The following OXSR1 variants were observed in gnomAD, a reference collection of about 807,000 sequenced individuals.
OXSR1 encodes the protein oxidative stress responsive kinase 1.
Under a neutral mutation model 79.8 loss-of-function variants are expected in OXSR1, and 24 were observed. The ratio of observed to expected loss-of-function variants is 0.30; its 90% CI spans 0.22 to 0.42. The LOEUF (loss-of-function observed/expected upper bound fraction) is 0.42. OXSR1 is among the 10% of genes least tolerant of loss of function. OXSR1 has a pLI of 1.00. For synonymous variants in OXSR1, 226 were observed against 209.2 expected, an observed-to-expected ratio of 1.08 and a Z score of -0.69; for missense variants, 430 against 618.4, an observed-to-expected ratio of 0.70 and a Z score of 3.23.
intron 1 of OXSR1, among the ~76,000 whole-genome samples, chr3:38,175,539 G>A (rs1283043258): frequency 6.6e-6 from 1 of 152,194 alleles, no homozygotes; most frequent in African/African-American, 2.4e-5. Context: ...CAGCTCAAGT[G>A]ATCTGCCTGC....
At chr3:38,172,847 T>C (rs947192174) in intron 1 of OXSR1, among the ~76,000 whole-genome samples, 2 of 152,192 alleles carry the variant, frequency 1.3e-5, no homozygotes, top group Non-Finnish European at 2.9e-5. Context: ...AAATCCTTTT[T>C]CCCCCTTATA....
At chr3:38,178,620 ATTTT>A (rs71085303) in intron 1 of OXSR1, among the ~76,000 whole-genome samples, 77 of 95,094 alleles carry the variant, frequency 8.1e-4, no homozygotes, top group African/African-American at 2.5e-3. Flanking sequence ...ATATATATAT[ATTTT>A]TTTTTTTTTT....
chr3:38,199,871 A>G (rs1702131708), intron 4 of OXSR1, among the ~76,000 whole-genome samples: 1 of 152,134 alleles, frequency 6.6e-6, no homozygotes. Flanking sequence ...TAGTCCCATC[A>G]TGTGGACTCC....
chr3:38,201,725 A>G (rs1428171091), intron 4 of OXSR1, among the ~76,000 whole-genome samples: 1 of 150,586 alleles, frequency 6.6e-6, no homozygotes, highest in Non-Finnish European at 1.5e-5. Context: ...AAATCCAGAT[A>G]TGGTGGTGCT....
At chr3:38,205,725 A>G (rs967070867) in intron 4 of OXSR1, among the ~76,000 whole-genome samples, 2 of 152,212 alleles carry the variant, frequency 1.3e-5, no homozygotes, top group African/African-American at 2.4e-5. Flanking sequence ...GCTGCCAGTC[A>G]TCGTGGTCTG....
At chr3:38,188,071 G>GCCCCTTTTC (rs1701916523) in intron 2 of OXSR1, among the ~76,000 whole-genome samples, 1 of 152,162 alleles carries the variant, frequency 6.6e-6, no homozygotes, top group Non-Finnish European at 1.5e-5. Context: ...TAGAAGGCAA[G>GCCCCTTTTC]AAAAAGAATA....
chr3:38,193,328 A>G, intron 3 of OXSR1: 1 of 1,289,654 alleles, frequency 7.8e-7, no homozygotes, highest in South Asian at 1.2e-5. Flanking sequence ...CCCTGTTCAT[A>G]TGATGGTTGG....
chr3:38,225,903 C>T (rs73827646), intron 8 of OXSR1, among the ~76,000 whole-genome samples: 109 of 152,130 alleles, frequency 7.2e-4, no homozygotes, highest in African/African-American at 2.6e-3. Flanking sequence ...CTTCTTAAAG[C>T]TAAGAACTTC....
chr3:38,244,670 T>TGTGTGTGCAC (rs1491372358), intron 12 of OXSR1, among the ~76,000 whole-genome samples: 3 of 149,626 alleles, frequency 2.0e-5, no homozygotes, highest in East Asian at 2.0e-4. Flanking sequence ...TGTGTGTGCG[T>TGTGTGTGCAC]GCGCATGTAC....
In OXSR1 at chr3:38,254,242, C is replaced by T. The variant is rs182088221; in HGVS notation, c.*1351C>T. On this transcript the variant is annotated 3_prime_UTR_variant, in exon 18 of 18. Coordinates refer to ENST00000311806, the MANE Select transcript of OXSR1 (RefSeq NM_005109.3). ...CTTTACAGAATCACTCGAGCCCTTTCCAGCACTGTTGGTCTGATGAACAAG... is the reference window on the plus strand; with the variant it reads ...CTTTACAGAATCACTCGAGCCCTTTTCAGCACTGTTGGTCTGATGAACAAG... The T allele has an allele frequency of 1.1e-4, 43 of 398,876 alleles. No individual in the cohort carries two copies. Among genetic ancestry groups the T allele is most frequent in the African/African-American group, 8.4e-4 (41 of 48,744 alleles). The allele number at this position is 398,876 out of a possible 1,614,324, so 24.7% of individuals were successfully genotyped here. A position where few individuals can be genotyped will look rare whatever the true frequency, so the allele number is the denominator to read the frequency against.
At chr3:38,243,009 T>C (rs1461221842) in intron 12 of OXSR1, among the ~76,000 whole-genome samples, 1 of 145,310 alleles carries the variant, frequency 6.9e-6, no homozygotes, top group Admixed American at 6.7e-5. Flanking sequence ...AAAAGTTATT[T>C]ATTTATTTAT....
rs1559532597 is a variant in OXSR1, at chr3:38,254,517, TA to T, written c.*1630del. 1 of 353,984 alleles carries T rather than the reference TA, an allele frequency of 2.8e-6. No individual in the cohort carries two copies. The highest frequency in any genetic ancestry group is 5.0e-6 in the Non-Finnish European group (1 of 198,036). 21.9% of individuals were successfully genotyped at this position (353,984 alleles called of 1,614,324 possible). On this transcript the variant is annotated 3_prime_UTR_variant, in exon 18 of 18. Coordinates refer to ENST00000311806, the MANE Select transcript of OXSR1 (RefSeq NM_005109.3). ...GAGTTCAACGTCCCAGCAGTCTTGG[TA>T]AAAGGAGGGAGCCTGCTGAGCCAGG...
At chr3:38,244,010 G>C (rs1183806250) in intron 12 of OXSR1, among the ~76,000 whole-genome samples, 1 of 152,172 alleles carries the variant, frequency 6.6e-6, no homozygotes, top group African/African-American at 2.4e-5. Flanking sequence ...GAGCTTGTTA[G>C]CCCCCGCTGG....
intron 6 of OXSR1, 133 bp from the exon 7 acceptor site, chr3:38,223,679 A>G (rs1043568525): frequency 5.8e-6 from 3 of 516,860 alleles, no homozygotes; most frequent in Admixed American, 7.3e-5. Context: ...TGAACTCCCA[A>G]CCTCAGGTGA....
At chr3:38,182,508 G>A (rs1701806253) in intron 1 of OXSR1, among the ~76,000 whole-genome samples, 1 of 152,132 alleles carries the variant, frequency 6.6e-6, no homozygotes, top group African/African-American at 2.4e-5. Flanking sequence ...GTCTTTATCT[G>A]CCTTATCCAT....
intron 13 of OXSR1, 131 bp downstream of exon 13, chr3:38,246,352 C>A: frequency 1.1e-6 from 1 of 893,224 alleles, no homozygotes; most frequent in Non-Finnish European, 1.7e-6. Flanking sequence ...GAAATTCTGT[C>A]TTCACATTTT....
At position 38,224,074 on chromosome 3, in the gene OXSR1, A is replaced by G. The variant is rs192386113; in HGVS notation, c.702+161A>G. On this transcript the variant is annotated intron_variant, in intron 7 of 17. Coordinates refer to ENST00000311806, the MANE Select transcript of OXSR1 (RefSeq NM_005109.3). The stretch of plus-strand genomic sequence containing the variant: ...TGAATATATAGTTCAATGGTATTAA[A>G]TGCGTTCATCACGTTGTGCAGTTGT... 4.7e-4 allele frequency among the ~76,000 whole-genome samples: 72 copies of G among 152,288 alleles called. No individual in the cohort carries two copies. Among genetic ancestry groups the G allele is most frequent in the South Asian group, 1.4e-3 (7 of 4,830 alleles).
In OXSR1 at chr3:38,251,484, C is replaced by T. The variant is rs373369650; in HGVS notation, c.1444+13C>T. On this transcript the variant is annotated intron_variant, in intron 16 of 17. Coordinates refer to ENST00000311806, the MANE Select transcript of OXSR1 (RefSeq NM_005109.3). The stretch of plus-strand genomic sequence containing the variant: ...GATTTAGTAATAGGTAACTCCATTG[C>T]GTTCTGCTCATGTGCTCCTGTGTCT... 1.4e-5 allele frequency: 23 copies of T among 1,603,444 alleles called. No individual in the cohort carries two copies. The African/African-American group carries it at 2.1e-4, about 15-fold the overall frequency.
rs138739036 is a variant in OXSR1, at chr3:38,227,395, G to T, written c.837-2292G>T. On this transcript the variant is annotated intron_variant, in intron 8 of 17. Transcript: ENST00000311806. ...ATCAGAATTCTGACCCATGCAATTGGACTAGAGTTAACCTGTTTTAATCAG... is the reference window on the plus strand; with the variant it reads ...ATCAGAATTCTGACCCATGCAATTGTACTAGAGTTAACCTGTTTTAATCAG... 8.7e-4 allele frequency among the ~76,000 whole-genome samples: 132 copies of T among 152,208 alleles called. 3 individuals carry two copies. The East Asian group carries it at 0.025, about 29-fold the overall frequency.
Sources: allele counts gnomAD v4.1 joint callset (sites outside exome capture counted in the v4.1 genomes callset), GRCh38; gene constraint gnomAD v4.1.1; transcripts MANE v1.5; gene names NCBI Gene and HGNC (gene_info 2026-07-23, HGNC 2026-07-21).